The following RBFOX1 variants were observed in gnomAD, a reference collection of about 807,000 sequenced individuals.
The protein encoded by RBFOX1 is RNA binding fox-1 homolog 1, also known as RNA binding protein fox-1 homolog 1.
RBFOX1 carries 8 observed loss-of-function variants against 57.7 expected under a neutral mutation model. That is an observed-to-expected ratio of 0.14 (90% CI 0.08 to 0.25). The LOEUF (loss-of-function observed/expected upper bound fraction) is 0.25, where lower values mean the gene tolerates loss of function less well. Ranked by LOEUF, RBFOX1 falls within the 10% of genes least tolerant of loss-of-function variation. The pLI is 1.00. For missense variants in RBFOX1, 611 were observed against 548.5 expected (o/e 1.11, Z -1.14); for synonymous variants, 326 against 222.4 (o/e 1.47, Z -4.15).
intron 3 of RBFOX1, among the ~76,000 whole-genome samples, chr16:6,903,258 G>T (rs113293838): frequency 5.3e-5 from 8 of 152,154 alleles, no homozygotes; most frequent in Admixed American, 3.3e-4. Flanking sequence ...TGTAGCTGCC[G>T]CCAGGGGAGC....
At chr16:5,827,912 T>TCCATCCATCCACCCATCCACCCAC (rs2056126475) in intron 3 of RBFOX1, among the ~76,000 whole-genome samples, 5 of 130,538 alleles carry the variant, frequency 3.8e-5, no homozygotes, top group African/African-American at 2.0e-4. Context: ...CATCCATCCA[T>TCCATCCATCCACCCATCCACCCAC]CCATCCACCC....
intron 1 of RBFOX1, among the ~76,000 whole-genome samples, chr16:6,020,230 C>G (rs374697450): frequency 6.6e-6 from 1 of 152,130 alleles, no homozygotes; most frequent in East Asian, 1.9e-4. Flanking sequence ...GAAGCACGTC[C>G]TTCCTTGCCC....
At chr16:6,836,532 C>G (rs1024268069) in intron 3 of RBFOX1, among the ~76,000 whole-genome samples, 2 of 152,146 alleles carry the variant, frequency 1.3e-5, no homozygotes, top group African/African-American at 4.8e-5. Context: ...TAGGGTATGA[C>G]CACGAATGAC....
At chr16:6,249,016 A>G (rs1314741055) in intron 1 of RBFOX1, among the ~76,000 whole-genome samples, 1 of 152,188 alleles carries the variant, frequency 6.6e-6, no homozygotes, top group Non-Finnish European at 1.5e-5. Context: ...ATGTTCATAG[A>G]TTAAAATAAG....
At chr16:6,828,344 T>C (rs947661461) in intron 3 of RBFOX1, among the ~76,000 whole-genome samples, 1 of 151,908 alleles carries the variant, frequency 6.6e-6, no homozygotes, top group East Asian at 1.9e-4. Context: ...GCCAACATGA[T>C]GAAACCCCAT....
At chr16:7,400,227 G>T (rs980935567) in intron 4 of RBFOX1, among the ~76,000 whole-genome samples, 2 of 152,108 alleles carry the variant, frequency 1.3e-5, no homozygotes, top group African/African-American at 4.8e-5. Flanking sequence ...TGTTAAAATT[G>T]CACCTTCCCC....
At chr16:6,935,340 A>C (rs2077189681) in intron 3 of RBFOX1, among the ~76,000 whole-genome samples, 1 of 152,134 alleles carries the variant, frequency 6.6e-6, no homozygotes, top group South Asian at 2.1e-4. Flanking sequence ...CATAAAGTAG[A>C]GCCTCATCTC....
At chr16:6,282,224 T>C (rs548547938) in intron 1 of RBFOX1, among the ~76,000 whole-genome samples, 1 of 152,252 alleles carries the variant, frequency 6.6e-6, no homozygotes, top group African/African-American at 2.4e-5. Context: ...CTGAGACAGA[T>C]GGACATGCTG....
At chr16:6,153,969 A>G (rs982013297) in intron 1 of RBFOX1, among the ~76,000 whole-genome samples, 1 of 152,230 alleles carries the variant, frequency 6.6e-6, no homozygotes, top group Admixed American at 6.5e-5. Flanking sequence ...ATGTCAAGCA[A>G]CAACACAATA....
chr16:7,599,357 G>A (rs946020359), intron 9 of RBFOX1, among the ~76,000 whole-genome samples: 7 of 152,222 alleles, frequency 4.6e-5, no homozygotes, highest in African/African-American at 1.4e-4. Flanking sequence ...AAACTGGAGC[G>A]AGAAAAGCCA....
intron 3 of RBFOX1, among the ~76,000 whole-genome samples, chr16:6,852,576 G>C (rs182182242): frequency 6.6e-6 from 1 of 152,224 alleles, no homozygotes; most frequent in Non-Finnish European, 1.5e-5. Flanking sequence ...GTCCAGGAAA[G>C]GTGCATGTTG....
chr16:5,993,126 A>G (rs2060430143), intron 4 of RBFOX1, among the ~76,000 whole-genome samples: 2 of 152,192 alleles, frequency 1.3e-5, no homozygotes. Context: ...GGAACAAGCC[A>G]TGTCCTCAAG....
At chr16:5,713,596 G>A (rs572366835) in intron 3 of RBFOX1, among the ~76,000 whole-genome samples, 10 of 152,218 alleles carry the variant, frequency 6.6e-5, no homozygotes, top group Middle Eastern at 3.4e-3. Flanking sequence ...GGAAATGCCC[G>A]GATCTTTGAT....
intron 10 of RBFOX1, among the ~76,000 whole-genome samples, chr16:7,615,217 C>T (rs1027613322): frequency 9.2e-5 from 14 of 152,236 alleles, no homozygotes; most frequent in African/African-American, 3.4e-4. Flanking sequence ...CCTGTAGTCC[C>T]AGCTACTGGG....
intron 6 of RBFOX1, among the ~76,000 whole-genome samples, chr16:7,584,439 C>G (rs920100918): frequency 6.6e-6 from 1 of 152,098 alleles, no homozygotes; most frequent in African/African-American, 2.4e-5. Flanking sequence ...ATTACAGGCT[C>G]CTACCACCAT....
At chr16:7,563,881 CA>C (rs1275510180) in intron 5 of RBFOX1, among the ~76,000 whole-genome samples, 1 of 152,122 alleles carries the variant, frequency 6.6e-6, no homozygotes, top group East Asian at 1.9e-4. Flanking sequence ...GATAAGCAGA[CA>C]CCAACCTCCA....
chr16:5,993,042 G>C (rs1399772114), intron 4 of RBFOX1, among the ~76,000 whole-genome samples: 9 of 152,172 alleles, frequency 5.9e-5, no homozygotes, highest in Admixed American at 5.9e-4. Context: ...GCTTGAGCCT[G>C]ATCTTTCTCT....
At chr16:5,887,967 A>T (rs1386613043) in intron 4 of RBFOX1, among the ~76,000 whole-genome samples, 1 of 152,200 alleles carries the variant, frequency 6.6e-6, no homozygotes, top group Non-Finnish European at 1.5e-5. Flanking sequence ...CAAAACTTCT[A>T]CAAGACGAGC....
intron 2 of RBFOX1, among the ~76,000 whole-genome samples, chr16:5,574,216 G>A (rs928931755): frequency 6.6e-6 from 1 of 152,116 alleles, no homozygotes; most frequent in African/African-American, 2.4e-5. Flanking sequence ...AAGAAACAAA[G>A]GCTCAGAAAG....
Sources: gnomAD v4.1 joint callset for allele counts (sites outside exome capture counted in the v4.1 genomes callset) on GRCh38, gnomAD v4.1.1 for gene constraint, MANE v1.5 for transcripts, NCBI Gene and HGNC (gene_info 2026-07-23, HGNC 2026-07-21) for gene names.